SLC6A6: variants seen among roughly 807,000 people sequenced by gnomAD.
The protein encoded by SLC6A6 is sodium- and chloride-dependent taurine transporter.
Under a neutral mutation model 68.8 loss-of-function variants are expected in SLC6A6, and 16 were observed. The observed-to-expected ratio is 0.23, with a 90% CI of 0.16 to 0.35. The LOEUF is 0.35. SLC6A6 is among the 10% of genes least tolerant of loss of function. The pLI, the probability that SLC6A6 is intolerant of heterozygous loss-of-function variation, is 1.00. For missense variants in SLC6A6, 474 were observed against 802.8 expected (o/e 0.59, Z 4.95); for synonymous variants, 312 against 315.4 (o/e 0.99, Z 0.12).
intron 1 of SLC6A6, among the ~76,000 whole-genome samples, chr3:14,403,113 TGTGTGTGTGTGG>T (rs1213113577): frequency 9.6e-6 from 1 of 103,758 alleles, no homozygotes; most frequent in Non-Finnish European, 2.1e-5. Flanking sequence ...TGTGTGTGTG[TGTGTGTGTGTGG>T]CATATCTGTG....
At chr3:14,408,789 A>G (rs1699166951) in intron 1 of SLC6A6, among the ~76,000 whole-genome samples, 1 of 151,044 alleles carries the variant, frequency 6.6e-6, no homozygotes, top group Admixed American at 6.6e-5. Flanking sequence ...AGCTAGCTGT[A>G]GTTTTGTTTT....
chr3:14,422,589 C>T (rs993871841), intron 2 of SLC6A6, among the ~76,000 whole-genome samples: 13 of 152,266 alleles, frequency 8.5e-5, no homozygotes, highest in Admixed American at 5.9e-4. Flanking sequence ...AGTGGCTCAC[C>T]TTCTGGGGGC....
chr3:14,429,583 G>T (rs1699677433), intron 2 of SLC6A6, among the ~76,000 whole-genome samples: 1 of 152,194 alleles, frequency 6.6e-6, no homozygotes, highest in Admixed American at 6.5e-5. Context: ...TTTTGCCCAG[G>T]TGCCTCCCAG....
chr3:14,451,811 C>T (rs375283222), intron 5 of SLC6A6, among the ~76,000 whole-genome samples: 4 of 152,204 alleles, frequency 2.6e-5, no homozygotes, highest in African/African-American at 4.8e-5. Flanking sequence ...GGGTTTCTCT[C>T]GAGTGAATCT....
At chr3:14,456,230 C>A (rs1165824439) in intron 5 of SLC6A6, among the ~76,000 whole-genome samples, 1 of 152,248 alleles carries the variant, frequency 6.6e-6, no homozygotes, top group Non-Finnish European at 1.5e-5. Flanking sequence ...CGTCCATCAG[C>A]ATTATCATGT....
Position 14,481,534 on chromosome 3 carries a change from G to A in SLC6A6, c.1552-137G>A. ...CGGGGGGGATCCTTATGGCAGCAGA[G>A]AGGGGTGTGAGTTCTGAGCCAGTCC... On this transcript the variant is annotated intron_variant, in intron 13 of 14. Coordinates refer to ENST00000622186, the MANE Select transcript of SLC6A6 (RefSeq NM_003043.6). This position sits in a 1 kb window ranked among gnomAD's most constrained non-coding sequence, Gnocchi z 4.7. 4 of 633,414 alleles carry A rather than the reference G, an allele frequency of 6.3e-6. No homozygotes were observed. The highest frequency in any genetic ancestry group is 8.4e-6 in the Non-Finnish European group (3 of 357,356). The allele number at this position is 633,414 out of a possible 1,614,324, so 39.2% of individuals were successfully genotyped here.
intron 2 of SLC6A6, among the ~76,000 whole-genome samples, chr3:14,436,201 T>G (rs1699846985): frequency 6.6e-6 from 1 of 152,204 alleles, no homozygotes; most frequent in Non-Finnish European, 1.5e-5. Flanking sequence ...TTATTATTAT[T>G]ATTTTTTCAT....
At chr3:14,466,476 G>A in intron 6 of SLC6A6, 40 bp from the exon 7 acceptor site, 1 of 1,584,720 alleles carries the variant, frequency 6.3e-7, no homozygotes, top group East Asian at 2.3e-5. Context: ...GCAGCAGCAA[G>A]TGATGCCCAT....
chr3:14,420,159 AC>A (rs1331736346), intron 2 of SLC6A6, among the ~76,000 whole-genome samples: 4 of 152,246 alleles, frequency 2.6e-5, no homozygotes, highest in Admixed American at 2.6e-4. Flanking sequence ...TTGAACAGGC[AC>A]AGTGGCTCAC....
chr3:14,408,606 C>T (rs1699162919), intron 1 of SLC6A6, among the ~76,000 whole-genome samples: 2 of 152,134 alleles, frequency 1.3e-5, no homozygotes, highest in Admixed American at 6.6e-5. Context: ...AAATGCTGGG[C>T]AGTCTATCAT....
chr3:14,418,830 A>G (rs1699422248), intron 2 of SLC6A6, among the ~76,000 whole-genome samples: 2 of 152,102 alleles, frequency 1.3e-5, no homozygotes, highest in Admixed American at 6.5e-5. Flanking sequence ...AGGCTTGGAG[A>G]GATGAATTGA....
intron 13 of SLC6A6, 33 bp downstream of exon 13, chr3:14,479,218 C>A (rs755590952): frequency 7.8e-7 from 1 of 1,283,480 alleles, no homozygotes. Flanking sequence ...TGGCTGGTGG[C>A]CTCTTCTCCC....
Position 14,472,392 on chromosome 3 carries a change from CT to C in SLC6A6, c.1209+76del, listed in dbSNP as rs1700772007. The C allele has an allele frequency of 4.4e-6, 4 of 917,942 alleles. No homozygotes were observed. The highest frequency in any genetic ancestry group is 7.2e-6 in the Non-Finnish European group (4 of 558,030). 56.9% of individuals were successfully genotyped at this position (917,942 alleles called of 1,614,324 possible). ...CTCTGGGAAAGACTCCTTATTCCAC[CT>C]GGGAGGTGGTCAACCCCCTTCCCCC... On this transcript the variant is annotated intron_variant, in intron 10 of 14. Coordinates refer to ENST00000622186, the MANE Select transcript of SLC6A6 (RefSeq NM_003043.6). This position sits in a 1 kb window ranked among gnomAD's most constrained non-coding sequence, Gnocchi z 4.5.
At chr3:14,442,517 C>T (rs1328869438) in intron 2 of SLC6A6, among the ~76,000 whole-genome samples, 1 of 152,206 alleles carries the variant, frequency 6.6e-6, no homozygotes, top group Non-Finnish European at 1.5e-5. Context: ...TCAGGATGCT[C>T]TTGGTAACCC....
At chr3:14,418,708 G>A (rs963659570) in intron 2 of SLC6A6, among the ~76,000 whole-genome samples, 3 of 152,202 alleles carry the variant, frequency 2.0e-5, no homozygotes, top group Non-Finnish European at 2.9e-5. Context: ...TTCATTGAGC[G>A]CTTATTGCAC....
chr3:14,479,329 G>C, intron 13 of SLC6A6, 144 bp downstream of exon 13: 2 of 627,320 alleles, frequency 3.2e-6, no homozygotes, highest in Non-Finnish European at 5.8e-6. Context: ...GGAGAGGGGA[G>C]GAAGGCTGCT....
chr3:14,407,940 T>C (rs1402733086), intron 1 of SLC6A6, among the ~76,000 whole-genome samples: 2 of 145,038 alleles, frequency 1.4e-5, no homozygotes, highest in Non-Finnish European at 3.0e-5. Context: ...CTGTTGAGTA[T>C]ATCAGGAGTT....
intron 2 of SLC6A6, among the ~76,000 whole-genome samples, chr3:14,433,617 C>T (rs1559292777): frequency 6.6e-6 from 1 of 152,006 alleles, no homozygotes; most frequent in African/African-American, 2.4e-5. Context: ...GCCTGGCCAA[C>T]ATGGTGAAAC....
At chr3:14,449,063 C>T (rs1301883963) in intron 5 of SLC6A6, among the ~76,000 whole-genome samples, 1 of 152,226 alleles carries the variant, frequency 6.6e-6, no homozygotes, top group Non-Finnish European at 1.5e-5. Context: ...AGGTGTTTAC[C>T]CACCTCTTAG....
Sources: allele counts gnomAD v4.1 joint callset (sites outside exome capture counted in the v4.1 genomes callset), GRCh38; gene constraint gnomAD v4.1.1; non-coding constraint Gnocchi (gnomAD v3.1); transcripts MANE v1.5; gene names NCBI Gene and HGNC (gene_info 2026-07-23, HGNC 2026-07-21).